The following NKAIN2 variants were observed in gnomAD, a reference collection of about 807,000 sequenced individuals.
NKAIN2 encodes the protein sodium/potassium-transporting ATPase subunit beta-1-interacting protein 2.
Under a neutral mutation model 32.6 loss-of-function variants are expected in NKAIN2, and 14 were observed. The ratio of observed to expected loss-of-function variants is 0.43; its 90% CI spans 0.28 to 0.67. The LOEUF is 0.67. Among genes scored for constraint, NKAIN2 ranks in the 30% least tolerant of loss-of-function variants. The pLI is 0.17. For synonymous variants in NKAIN2, 80 were observed against 87.2 expected, an observed-to-expected ratio of 0.92 and a Z score of 0.46; for missense variants, 198 against 258.3, an observed-to-expected ratio of 0.77 and a Z score of 1.60.
chr6:124,065,442 C>G (rs1448222498), intron 1 of NKAIN2, among the ~76,000 whole-genome samples: 1 of 152,062 alleles, frequency 6.6e-6, no homozygotes, highest in Non-Finnish European at 1.5e-5. Flanking sequence ...GATGGTGGTG[C>G]CTTCAGGAAG....
intron 1 of NKAIN2, among the ~76,000 whole-genome samples, chr6:123,819,570 C>G (rs557108930): frequency 1.8e-4 from 28 of 152,260 alleles, no homozygotes; most frequent in African/African-American, 6.7e-4. Flanking sequence ...TGAACTGAGT[C>G]TGGAGGATTC....
At chr6:124,554,870 T>G (rs1780416628) in intron 3 of NKAIN2, among the ~76,000 whole-genome samples, 1 of 152,182 alleles carries the variant, frequency 6.6e-6, no homozygotes, top group Admixed American at 6.5e-5. Context: ...TTGACACTGG[T>G]CTGTGAGCTA....
At chr6:123,831,600 G>C (rs189598602) in intron 1 of NKAIN2, among the ~76,000 whole-genome samples, 15 of 150,692 alleles carry the variant, frequency 1.0e-4, no homozygotes, top group Admixed American at 5.3e-4. Flanking sequence ...ATACCCCTCT[G>C]CTGTTAAATA....
intron 1 of NKAIN2, among the ~76,000 whole-genome samples, chr6:124,044,832 C>T (rs1782043592): frequency 6.6e-6 from 1 of 151,994 alleles, no homozygotes; most frequent in Non-Finnish European, 1.5e-5. Context: ...AGATGTTGAG[C>T]TTGGAATTTT....
chr6:124,745,930 G>A (rs919446200), intron 4 of NKAIN2, among the ~76,000 whole-genome samples: 1 of 151,890 alleles, frequency 6.6e-6, no homozygotes, highest in African/African-American at 2.4e-5. Context: ...TTAACTGAAT[G>A]TCAAAGGCCA....
intron 3 of NKAIN2, among the ~76,000 whole-genome samples, chr6:124,410,447 T>C (rs542910009): frequency 1.3e-5 from 2 of 152,342 alleles, no homozygotes; most frequent in South Asian, 4.1e-4. Context: ...CATTTCGTTA[T>C]GTACCCAGTA....
chr6:124,549,679 T>A (rs1780219722), intron 3 of NKAIN2, among the ~76,000 whole-genome samples: 1 of 152,218 alleles, frequency 6.6e-6, no homozygotes, highest in South Asian at 2.1e-4. Flanking sequence ...CAGTCTTTCC[T>A]TGCTTTTCAA....
chr6:124,279,063 A>C (rs1482306636), intron 1 of NKAIN2, among the ~76,000 whole-genome samples: 1 of 152,116 alleles, frequency 6.6e-6, no homozygotes, highest in Non-Finnish European at 1.5e-5. Context: ...AATTTGAAAA[A>C]TTTTTACACA....
intron 1 of NKAIN2, among the ~76,000 whole-genome samples, chr6:124,211,911 G>T (rs1244263016): frequency 6.6e-6 from 1 of 151,964 alleles, no homozygotes. Context: ...TTTTCTTTGT[G>T]TGATTGGCAT....
intron 1 of NKAIN2, among the ~76,000 whole-genome samples, chr6:124,135,539 AGACAT>A (rs1554258709): frequency 2.0e-5 from 3 of 150,408 alleles, no homozygotes; most frequent in Non-Finnish European, 4.4e-5. Flanking sequence ...AAAAAAAAGA[AGACAT>A]TATATAATGA....
intron 1 of NKAIN2, among the ~76,000 whole-genome samples, chr6:123,950,361 G>A (rs1033003793): frequency 1.3e-5 from 2 of 151,926 alleles, no homozygotes; most frequent in Non-Finnish European, 2.9e-5. Flanking sequence ...TTTTAAAACA[G>A]TTTGAGAATT....
At chr6:124,314,350 A>G (rs1796847568) in intron 2 of NKAIN2, among the ~76,000 whole-genome samples, 2 of 152,126 alleles carry the variant, frequency 1.3e-5, no homozygotes, top group Admixed American at 6.6e-5. Context: ...CCTCTAAACT[A>G]ATTTCCACTA....
At chr6:123,995,956 T>C (rs556025217) in intron 1 of NKAIN2, among the ~76,000 whole-genome samples, 217 of 152,216 alleles carry the variant, frequency 1.4e-3, no homozygotes, top group African/African-American at 5.0e-3. Flanking sequence ...CTCAAATAAA[T>C]TTATTTTGAT....
chr6:124,782,555 T>C (rs1054380518), intron 4 of NKAIN2, among the ~76,000 whole-genome samples: 4 of 152,170 alleles, frequency 2.6e-5, no homozygotes, highest in Non-Finnish European at 4.4e-5. Flanking sequence ...CTCCTTCCAG[T>C]GAAATTCATG....
At chr6:124,093,403 G>C (rs1210559202) in intron 1 of NKAIN2, among the ~76,000 whole-genome samples, 1 of 152,096 alleles carries the variant, frequency 6.6e-6, no homozygotes, top group East Asian at 1.9e-4. Context: ...GTGACATTGA[G>C]CAAGATGCTC....
intron 3 of NKAIN2, among the ~76,000 whole-genome samples, chr6:124,484,211 T>G (rs1311304042): frequency 6.6e-6 from 1 of 152,232 alleles, no homozygotes; most frequent in African/African-American, 2.4e-5. Context: ...CTACATGTCC[T>G]AAAATATTTC....
At chr6:124,805,103 T>G (rs1371689180) in intron 5 of NKAIN2, among the ~76,000 whole-genome samples, 1 of 152,128 alleles carries the variant, frequency 6.6e-6, no homozygotes, top group Non-Finnish European at 1.5e-5. Flanking sequence ...TCTGCAGACT[T>G]AAATGTCCCT....
At chr6:124,815,432 GT>G (rs1781118473) in intron 5 of NKAIN2, among the ~76,000 whole-genome samples, 1 of 151,700 alleles carries the variant, frequency 6.6e-6, no homozygotes, top group Non-Finnish European at 1.5e-5. Flanking sequence ...ACCATGCCCA[GT>G]TAATTTTTGT....
At chr6:124,499,625 A>T (rs1429559114) in intron 3 of NKAIN2, among the ~76,000 whole-genome samples, 2 of 152,174 alleles carry the variant, frequency 1.3e-5, no homozygotes. Context: ...ATGCATTTTC[A>T]CAAGACTTTG....
Sources: allele counts gnomAD v4.1 joint callset (sites outside exome capture counted in the v4.1 genomes callset), GRCh38; gene constraint gnomAD v4.1.1; transcripts MANE v1.5; gene names NCBI Gene and HGNC (gene_info 2026-07-23, HGNC 2026-07-21).